Variants in CES4A observed in about 807,000 individuals in gnomAD.
CES4A encodes the protein carboxylesterase 4A.
Under a neutral mutation model 65.4 loss-of-function variants are expected in CES4A, and 48 were observed. The ratio of observed to expected loss-of-function variants is 0.73; its 90% CI spans 0.58 to 0.93. CES4A has a LOEUF of 0.93. Among genes scored for constraint, CES4A ranks in the 40% least tolerant of loss-of-function variants. The pLI is 0.00. For missense variants in CES4A, 685 were observed against 728.5 expected (o/e 0.94, Z 0.69); for synonymous variants, 247 against 281.8 (o/e 0.88, Z 1.24).
intron 13 of CES4A, 134 bp from the exon 14 acceptor site, chr16:67,008,840 A>G: frequency 1.2e-6 from 1 of 858,288 alleles, no homozygotes; most frequent in Non-Finnish European, 1.8e-6. Flanking sequence ...CTCTTTATTA[A>G]AGTTCTAAGT....
chr16:66,993,680 A>T (rs1388432904), intron 1 of CES4A, among the ~76,000 whole-genome samples: 1 of 152,204 alleles, frequency 6.6e-6, no homozygotes, highest in African/African-American at 2.4e-5. Flanking sequence ...AGCTGTGCTC[A>T]CATGTACCTA....
chr16:67,009,416 C>G lies in CES4A; in HGVS notation c.*274C>G, dbSNP rs1397259595. On this transcript the variant is annotated 3_prime_UTR_variant, in exon 14 of 14. Coordinates refer to ENST00000648724, the Ensembl canonical transcript of CES4A. ...TGTCAACACCACACTGTGCTCAGCTCTCCAGCCTCAGGACAACCTCTTTTT... is the reference window on the plus strand; with the variant it reads ...TGTCAACACCACACTGTGCTCAGCTGTCCAGCCTCAGGACAACCTCTTTTT... 6 of 339,102 alleles carry G rather than the reference C, an allele frequency of 1.8e-5. No homozygotes were observed. In the East Asian group the frequency reaches 2.8e-4, roughly 16 times the overall value. 21.0% of individuals were successfully genotyped at this position (339,102 alleles called of 1,614,324 possible).
At chr16:66,996,157 C>A in intron 2 of CES4A, 1 of 447,886 alleles carries the variant, frequency 2.2e-6, no homozygotes, top group Non-Finnish European at 4.3e-6. Flanking sequence ...CCTGCCTCAG[C>A]CTCTGAGTAT....
In CES4A at chr16:67,000,415, G is replaced by A; in HGVS notation, c.261-223G>A. On this transcript the variant is annotated intron_variant, in intron 2 of 13. Coordinates refer to ENST00000648724, the Ensembl canonical transcript of CES4A. This position sits in a 1 kb window ranked among gnomAD's most constrained non-coding sequence, Gnocchi z 4.2. ...AGCAGGAATCTCTCCACGGACTGAG[G>A]CGCCGGGCAGGGAGGGGATGGTTCC... is the stretch of plus-strand genomic sequence containing the variant. The A allele has an allele frequency of 1.5e-6, 2 of 1,351,644 alleles. No individual in the cohort carries two copies. The highest frequency in any genetic ancestry group is 9.6e-7 in the Non-Finnish European group (1 of 1,041,476). The allele number at this position is 1,351,644 out of a possible 1,614,324, so 83.7% of individuals were successfully genotyped here. A position where few individuals can be genotyped will look rare whatever the true frequency, so the allele number is the denominator to read the frequency against.
At chr16:67,005,301 A>G in exon 11 of CES4A, 5 of 1,614,140 alleles carry the variant, frequency 3.1e-6, no homozygotes, top group Non-Finnish European at 4.2e-6. Flanking sequence ...GTCAATGAGC[A>G]TGACTGGAAG....
exon 9 of CES4A, chr16:67,004,160 A>C (rs781045633): frequency 1.9e-6 from 3 of 1,614,176 alleles, no homozygotes; most frequent in Admixed American, 3.3e-5. Context: ...ACCCAGGGGA[A>C]GGTTTCATCT....
At chr16:66,989,964 T>A (rs1310400306) in intron 1 of CES4A, among the ~76,000 whole-genome samples, 3 of 151,846 alleles carry the variant, frequency 2.0e-5, no homozygotes, top group Non-Finnish European at 4.4e-5. Flanking sequence ...TGCCCATATA[T>A]ACATATATCC....
exon 1 of CES4A, chr16:66,988,645 T>C (rs1964139698): frequency 6.6e-7 from 1 of 1,506,618 alleles, no homozygotes; most frequent in Middle Eastern, 1.7e-4. Flanking sequence ...GCCCCAGTAC[T>C]TGCTGGCAGG....
intron 13 of CES4A, chr16:67,007,620 T>C (rs1291599922): frequency 6.6e-6 from 1 of 151,938 alleles, no homozygotes; most frequent in Non-Finnish European, 1.5e-5. Flanking sequence ...TCTTCTTCTT[T>C]TTTTTTTTAA....
intron 1 of CES4A, among the ~76,000 whole-genome samples, chr16:66,990,326 C>T (rs145884896): frequency 1.3e-5 from 2 of 152,166 alleles, no homozygotes; most frequent in East Asian, 1.9e-4. Context: ...GTGCTGGGAC[C>T]GCAGGCATGA....
exon 10 of CES4A, chr16:67,004,850 C>A (rs1349832245): frequency 2.0e-6 from 3 of 1,536,088 alleles, no homozygotes; most frequent in Non-Finnish European, 2.6e-6. Flanking sequence ...CACTAAGATG[C>A]TCTGGAGTAC....
chr16:66,997,219 G>T (rs1964926057), intron 2 of CES4A, among the ~76,000 whole-genome samples: 1 of 152,224 alleles, frequency 6.6e-6, no homozygotes, highest in African/African-American at 2.4e-5. Flanking sequence ...AAGATCAGGT[G>T]ACAGAACATG....
Position 67,008,837 on chromosome 16 carries a change from T to C in CES4A, c.1518-137T>C, listed in dbSNP as rs562057951. On this transcript the variant is annotated intron_variant, in intron 13 of 13. Coordinates refer to ENST00000648724, the Ensembl canonical transcript of CES4A. ...CCAATACACACTTTCCTACTCTTTATTAAAGTTCTAAGTATCATCTCCGTA... is the reference window on the plus strand; with the variant it reads ...CCAATACACACTTTCCTACTCTTTACTAAAGTTCTAAGTATCATCTCCGTA... The C allele has an allele frequency of 5.1e-5, 43 of 841,152 alleles. No homozygotes were observed. The Middle Eastern group carries it at 7.1e-4, about 14-fold the overall frequency. The allele number at this position is 841,152 out of a possible 1,614,324, so 52.1% of individuals were successfully genotyped here. A position where few individuals can be genotyped will look rare whatever the true frequency, so the allele number is the denominator to read the frequency against.
chr16:66,995,803 C>T, exon 2 of CES4A: 1 of 1,613,996 alleles, frequency 6.2e-7, no homozygotes, highest in South Asian at 1.1e-5. Context: ...GGAAAGGAAT[C>T]AGAGATGCTA....
chr16:66,991,644 GC>G (rs1169029381), intron 1 of CES4A, among the ~76,000 whole-genome samples: 4 of 152,182 alleles, frequency 2.6e-5, no homozygotes, highest in Non-Finnish European at 5.9e-5. Context: ...ATGGCTAGGT[GC>G]CCCTTGGAGG....
rs767796431 is a variant in CES4A, at chr16:67,003,252, A to C, written c.796-4A>C. The C allele has an allele frequency of 6.2e-7, 1 of 1,614,086 alleles. No homozygotes were observed. The highest frequency in any genetic ancestry group is 8.5e-7 in the Non-Finnish European group (1 of 1,179,930). On this transcript the variant is annotated splice_region_variant and splice_polypyrimidine_tract_variant and intron_variant, in intron 6 of 13. Transcript: ENST00000648724. This position sits in a 1 kb window ranked among gnomAD's most constrained non-coding sequence, Gnocchi z 4.2. ...CCACTGAGCATCCTTTCTTCTCTCT[A>C]TAGAAGGTTGCCCACCTGGCTGGAT...
chr16:67,000,544 C>G lies in CES4A; in HGVS notation c.261-94C>G, dbSNP rs759181508. 232 of 1,477,710 alleles carry G rather than the reference C, an allele frequency of 1.6e-4. No individual in the cohort carries two copies. Among genetic ancestry groups the G allele is most frequent in the Non-Finnish European group, 1.9e-4 (209 of 1,109,234 alleles). The allele number at this position is 1,477,710 out of a possible 1,614,324, so 91.5% of individuals were successfully genotyped here. ...GCACGCACACGCACGCGCACAGACG[C>G]TGCCTGGATTTTGCTTTGGGTTCCG... On this transcript the variant is annotated intron_variant, in intron 2 of 13. Coordinates refer to ENST00000648724, the Ensembl canonical transcript of CES4A. The surrounding 1 kb of genome is among the most constrained non-coding windows in gnomAD (Gnocchi z 4.2).
At position 67,000,938 on chromosome 16, in the gene CES4A, A is replaced by G. The variant is rs1219638700; in HGVS notation, c.484A>G (p.Lys162Glu). The G allele has an allele frequency of 6.2e-7, 1 of 1,613,328 alleles. No homozygotes were observed. Among genetic ancestry groups the G allele is most frequent in the South Asian group, 1.1e-5 (1 of 90,974 alleles). Residue 162 changes from lysine to glutamate, a missense_variant, in exon 4 of 14, where the codon AAA becomes GAA. By Grantham distance (56) the Lys-to-Glu change is moderately conservative (BLOSUM62 1). Transcript: ENST00000648724. The surrounding 1 kb of genome is among the most constrained non-coding windows in gnomAD (Gnocchi z 4.2). ...GGGCTCTGACTTGGCCGCCCGCGAG[A>G]AAGTGGTGCTGGTGTTTCTGCAGCA...
chr16:66,994,116 G>A (rs1228117755), intron 1 of CES4A, among the ~76,000 whole-genome samples: 4 of 151,478 alleles, frequency 2.6e-5, no homozygotes, highest in Non-Finnish European at 5.9e-5. Context: ...AAGGACAGAG[G>A]TGTAGCTATA....
Sources: allele counts gnomAD v4.1 joint callset (sites outside exome capture counted in the v4.1 genomes callset), GRCh38; gene constraint gnomAD v4.1.1; non-coding constraint Gnocchi (gnomAD v3.1); transcripts MANE v1.5; gene names NCBI Gene and HGNC (gene_info 2026-07-23, HGNC 2026-07-21).